RANBP3L: variants seen among roughly 807,000 people sequenced by gnomAD.
The protein encoded by RANBP3L is RAN binding protein 3 like, also known as ran-binding protein 3-like.
In RANBP3L, 56 loss-of-function variants were observed where a neutral mutation model predicts 67.2. That is an observed-to-expected ratio of 0.83 (90% CI 0.67 to 1.04). RANBP3L has a LOEUF of 1.04. RANBP3L is among the 50% of genes least tolerant of loss of function. The pLI is 0.00. For synonymous variants in RANBP3L, 164 were observed against 181.4 expected (o/e 0.90, Z 0.77); for missense variants, 496 against 535.5 (o/e 0.93, Z 0.73).
At chr5:36,293,609 G>A (rs1229877405) in intron 1 of RANBP3L, among the ~76,000 whole-genome samples, 1 of 15,310 alleles carries the variant, frequency 6.5e-5, no homozygotes, top group Admixed American at 3.0e-4. Context: ...TTTTTAGCAT[G>A]AAGGTTGTTG....
chr5:36,253,547 A>G (rs991867935), intron 12 of RANBP3L, 100 bp downstream of exon 12: 13 of 930,278 alleles, frequency 1.4e-5, no homozygotes, highest in East Asian at 2.4e-5. Context: ...GTTTTTGCCA[A>G]TGGTACAGAT....
intron 4 of RANBP3L, among the ~76,000 whole-genome samples, chr5:36,269,028 G>A (rs1002697958): frequency 6.6e-6 from 1 of 151,922 alleles, no homozygotes; most frequent in African/African-American, 2.4e-5. Flanking sequence ...CTTTAAAAAT[G>A]GCCTTTTCTC....
intron 1 of RANBP3L, among the ~76,000 whole-genome samples, chr5:36,275,579 T>G (rs1750516140): frequency 6.6e-6 from 1 of 152,110 alleles, no homozygotes; most frequent in Non-Finnish European, 1.5e-5. Context: ...ACTCCCTCCT[T>G]AAATCAGAAA....
rs1749665016 is a variant in RANBP3L at position 36,265,071 on chromosome 5, A to C, written c.368T>G (p.Ile123Ser). Residue 123 changes from isoleucine to serine, a missense_variant, in exon 6 of 14, where the codon ATT (isoleucine) becomes AGT (serine). Transcript: ENST00000296604. ...AGGTAGCTGCAAAATAGCAGGTCTA[A>C]TAACATGTTTAGAATGTTTCACAGG... is the stretch of plus-strand genomic sequence containing the variant. Reference protein sequence around the residue: ...QGPVKHSKHVIRPAILQLPQA... With the variant: ...QGPVKHSKHVSRPAILQLPQA... 1 of 1,610,236 alleles carries C rather than the reference A, an allele frequency of 6.2e-7. No homozygotes were observed.
intron 1 of RANBP3L, among the ~76,000 whole-genome samples, chr5:36,288,630 A>G (rs1751491695): frequency 6.6e-6 from 1 of 152,156 alleles, no homozygotes; most frequent in Non-Finnish European, 1.5e-5. Flanking sequence ...TTCTCCAAGC[A>G]TCATGTTATC....
rs1447928438 is a variant in RANBP3L, at chr5:36,261,921, A to AT, written c.584+17dup. On this transcript the variant is annotated intron_variant, in intron 7 of 13. Transcript: ENST00000296604. ...GCAAGAATGAAAGGACAACGCTTCT[A>AT]TTTTCTCATTAACTTACCCTACTGA... 3 of 1,173,676 alleles carry AT rather than the reference A, an allele frequency of 2.6e-6. No homozygotes were observed. In the African/African-American group the frequency reaches 4.6e-5, roughly 18 times the overall value. The allele number at this position is 1,173,676 out of a possible 1,614,324, so 72.7% of individuals were successfully genotyped here.
intron 1 of RANBP3L, among the ~76,000 whole-genome samples, chr5:36,278,663 T>A (rs1332833969): frequency 6.6e-6 from 1 of 152,142 alleles, no homozygotes; most frequent in Admixed American, 6.6e-5. Context: ...ATTCAAACCG[T>A]ATACTATAAT....
intron 1 of RANBP3L, among the ~76,000 whole-genome samples, chr5:36,298,731 T>C (rs1320866255): frequency 1.3e-5 from 2 of 152,198 alleles, no homozygotes; most frequent in African/African-American, 4.8e-5. Context: ...ACTTTATGGA[T>C]TGTGGCTTAT....
chr5:36,273,885 A>G (rs1750397789), intron 1 of RANBP3L, among the ~76,000 whole-genome samples: 2 of 152,290 alleles, frequency 1.3e-5, no homozygotes, highest in South Asian at 2.1e-4. Context: ...AATTCTGCCT[A>G]AAGATTTCCC....
intron 1 of RANBP3L, among the ~76,000 whole-genome samples, chr5:36,296,284 G>A (rs1752210723): frequency 6.6e-6 from 1 of 152,134 alleles, no homozygotes; most frequent in South Asian, 2.1e-4. Context: ...GGGGACACCT[G>A]AAATTTGTTG....
chr5:36,274,616 A>C (rs1272185654), intron 1 of RANBP3L, among the ~76,000 whole-genome samples: 1 of 152,186 alleles, frequency 6.6e-6, no homozygotes, highest in Non-Finnish European at 1.5e-5. Context: ...ATGAGGCTGG[A>C]GCTTTGCAAG....
chr5:36,261,913 A>G (rs756822961), intron 7 of RANBP3L, 26 bp downstream of exon 7: 6 of 1,043,808 alleles, frequency 5.7e-6, no homozygotes, highest in Middle Eastern at 2.1e-4. Flanking sequence ...TGAAAGGACA[A>G]CGCTTCTATT....
At position 36,256,713 on chromosome 5, in the gene RANBP3L, A is replaced by T. The variant is rs11739323; in HGVS notation, c.903+228T>A. 5.0e-5 allele frequency: 24 copies of T among 483,548 alleles called. No individual in the cohort carries two copies. In the East Asian group the frequency reaches 7.3e-4, roughly 15 times the overall value. 30.0% of individuals were successfully genotyped at this position (483,548 alleles called of 1,614,324 possible). A position where few individuals can be genotyped will look rare whatever the true frequency, so the allele number is the denominator to read the frequency against. The stretch of plus-strand genomic sequence containing the variant: ...GTCTTATTTCTAAGGGACTAATGTG[A>T]ATAGTTGTAAACCTAACAACCCATT... On this transcript the variant is annotated intron_variant, in intron 10 of 13. Coordinates refer to ENST00000296604, the MANE Select transcript of RANBP3L (RefSeq NM_145000.5).
chr5:36,299,880 C>T (rs1486083968), intron 1 of RANBP3L, among the ~76,000 whole-genome samples: 2 of 152,076 alleles, frequency 1.3e-5, no homozygotes, highest in African/African-American at 4.8e-5. Context: ...ACACTGTTTA[C>T]AAAAGTATCC....
At chr5:36,272,495 C>T (rs1206286016) in intron 1 of RANBP3L, among the ~76,000 whole-genome samples, 1 of 152,178 alleles carries the variant, frequency 6.6e-6, no homozygotes, top group East Asian at 1.9e-4. Context: ...AAGGGATTCC[C>T]CATTTCTCCA....
intron 12 of RANBP3L, among the ~76,000 whole-genome samples, chr5:36,253,157 T>C (rs958567294): frequency 6.6e-6 from 1 of 152,110 alleles, no homozygotes; most frequent in Non-Finnish European, 1.5e-5. Flanking sequence ...TCCTGTTACC[T>C]TGGAGATTTA....
At chr5:36,278,955 C>T (rs1357254565) in intron 1 of RANBP3L, among the ~76,000 whole-genome samples, 1 of 151,986 alleles carries the variant, frequency 6.6e-6, no homozygotes, top group Admixed American at 6.6e-5. Flanking sequence ...TGCTGCAAAG[C>T]AAAAATTTAA....
At chr5:36,251,899 C>A (rs1748621614) in intron 12 of RANBP3L, among the ~76,000 whole-genome samples, 1 of 152,054 alleles carries the variant, frequency 6.6e-6, no homozygotes. Context: ...AACTACATAG[C>A]TTTGTGGATA....
chr5:36,279,026 T>C (rs887710726), intron 1 of RANBP3L, among the ~76,000 whole-genome samples: 1 of 152,070 alleles, frequency 6.6e-6, no homozygotes. Flanking sequence ...TCAACAAAAA[T>C]TTGAAACATC....
Sources: gnomAD v4.1 joint callset for allele counts (sites outside exome capture counted in the v4.1 genomes callset) on GRCh38, gnomAD v4.1.1 for gene constraint, MANE v1.5 for transcripts, NCBI Gene and HGNC (gene_info 2026-07-23, HGNC 2026-07-21) for gene names.